ESRRG: variants seen among roughly 807,000 people sequenced by gnomAD.
The protein encoded by ESRRG is estrogen-related receptor gamma.
A neutral mutation model predicts 44.0 loss-of-function variants in ESRRG; 13 were observed. The ratio of observed to expected loss-of-function variants is 0.30; its 90% confidence interval spans 0.19 to 0.47. ESRRG has a LOEUF of 0.47. ESRRG is among the 20% of genes least tolerant of loss of function. The pLI is 1.00. For missense variants in ESRRG, 395 were observed against 580.6 expected, an observed-to-expected ratio of 0.68 and a Z score of 3.29; for synonymous variants, 215 against 214.6, an observed-to-expected ratio of 1.00 and a Z score of -0.02.
chr1:217,021,049 T>TACACACACACACACACAC (rs10655764), intron 1 of ESRRG, among the ~76,000 whole-genome samples: 5 of 145,334 alleles, frequency 3.4e-5, no homozygotes, highest in African/African-American at 1.0e-4. Context: ...CTGCCATGCA[T>TACACACACACACACACAC]ACACACACAC....
intron 2 of ESRRG, among the ~76,000 whole-genome samples, chr1:216,911,153 T>C (rs896580867): frequency 6.6e-6 from 1 of 152,214 alleles, no homozygotes; most frequent in African/African-American, 2.4e-5. Context: ...AAACTTATTT[T>C]CATACAAAAA....
chr1:216,723,199 G>GCCC, intron 1 of ESRRG, 45 bp downstream of exon 1: 3 of 659,804 alleles, frequency 4.5e-6, no homozygotes, highest in Non-Finnish European at 7.6e-6. Flanking sequence ...CCCCACCCCC[G>GCCC]CACCCCCACG....
At chr1:216,656,615 AC>A (rs1313368595) in intron 2 of ESRRG, among the ~76,000 whole-genome samples, 1 of 152,138 alleles carries the variant, frequency 6.6e-6, no homozygotes, top group African/African-American at 2.4e-5. Context: ...CACTTAATGG[AC>A]TTTTACAGTT....
intron 1 of ESRRG, among the ~76,000 whole-genome samples, chr1:216,996,670 A>G (rs1160137371): frequency 6.6e-6 from 1 of 152,160 alleles, no homozygotes; most frequent in Non-Finnish European, 1.5e-5. Flanking sequence ...TTATACTCAA[A>G]AAGTGCTGAG....
intron 1 of ESRRG, among the ~76,000 whole-genome samples, chr1:217,118,569 A>G (rs1321953776): frequency 1.3e-5 from 2 of 152,226 alleles, no homozygotes; most frequent in African/African-American, 2.4e-5. Context: ...AAGGGATTAT[A>G]CAATCTTACC....
intron 2 of ESRRG, among the ~76,000 whole-genome samples, chr1:216,728,769 T>C (rs1432409415): frequency 1.3e-5 from 2 of 151,978 alleles, no homozygotes; most frequent in East Asian, 1.9e-4. Context: ...GTGTTAATCC[T>C]TTTGTCCGAA....
chr1:216,721,025 G>A (rs1422587165), intron 1 of ESRRG, among the ~76,000 whole-genome samples: 1 of 152,192 alleles, frequency 6.6e-6, no homozygotes, highest in East Asian at 1.9e-4. Flanking sequence ...AGAATGATTA[G>A]ACTGACACAT....
intron 3 of ESRRG, among the ~76,000 whole-genome samples, chr1:216,618,897 C>G (rs764068180): frequency 1.3e-5 from 2 of 152,234 alleles, no homozygotes; most frequent in Non-Finnish European, 2.9e-5. Flanking sequence ...CTACTGAGAA[C>G]AGCCCATGCC....
intron 2 of ESRRG, among the ~76,000 whole-genome samples, chr1:216,651,373 T>A (rs1056879572): frequency 6.6e-6 from 1 of 152,172 alleles, no homozygotes; most frequent in African/African-American, 2.4e-5. Flanking sequence ...GTAAGAGTCT[T>A]CCAGAGTCTT....
At chr1:216,860,100 C>G (rs532437475) in intron 2 of ESRRG, among the ~76,000 whole-genome samples, 1 of 152,054 alleles carries the variant, frequency 6.6e-6, no homozygotes, top group African/African-American at 2.4e-5. Flanking sequence ...TCCGTCTCCA[C>G]TAAAAATATA....
chr1:216,803,898 T>A (rs1400080849), intron 2 of ESRRG, among the ~76,000 whole-genome samples: 1 of 152,120 alleles, frequency 6.6e-6, no homozygotes, highest in Non-Finnish European at 1.5e-5. Flanking sequence ...GAGCTTTTGT[T>A]GAGTAGATAA....
Position 216,513,488 on chromosome 1 carries a change from T to C in ESRRG, c.1132+5664A>G, listed in dbSNP as rs928161920. ...TCCATGTCAGAGCTCTCCATTAAGATACTGTTAGTTTTTTTAGAAGGCCTG... is the reference window on the plus strand; with the variant it reads ...TCCATGTCAGAGCTCTCCATTAAGACACTGTTAGTTTTTTTAGAAGGCCTG... On this transcript the variant is annotated intron_variant, in intron 6 of 6. Transcript: ENST00000408911. 6.6e-5 allele frequency among the ~76,000 whole-genome samples: 10 copies of C among 152,208 alleles called. No homozygotes were observed. In the East Asian group the frequency reaches 1.7e-3, roughly 26 times the overall value.
intron 2 of ESRRG, among the ~76,000 whole-genome samples, chr1:216,786,072 G>A (rs1364732337): frequency 6.6e-6 from 1 of 152,076 alleles, no homozygotes; most frequent in Non-Finnish European, 1.5e-5. Flanking sequence ...CCAGGGAAGT[G>A]CAAAATGTCT....
intron 3 of ESRRG, among the ~76,000 whole-genome samples, chr1:216,621,859 T>C (rs2062292206): frequency 6.6e-6 from 1 of 152,190 alleles, no homozygotes; most frequent in African/African-American, 2.4e-5. Flanking sequence ...CAAGTCCATC[T>C]TTCCCTTTCT....
intron 1 of ESRRG, among the ~76,000 whole-genome samples, chr1:217,065,531 C>T (rs992036694): frequency 2.0e-5 from 3 of 152,206 alleles, no homozygotes; most frequent in African/African-American, 7.2e-5. Context: ...AGAGCCTCAT[C>T]TCTCTTCTGA....
chr1:217,041,732 A>C (rs1171439890), intron 1 of ESRRG, among the ~76,000 whole-genome samples: 1 of 152,222 alleles, frequency 6.6e-6, no homozygotes, highest in Non-Finnish European at 1.5e-5. Context: ...TGGCAGATTC[A>C]AGTGTCACAG....
At chr1:216,903,261 A>G (rs932467654) in intron 2 of ESRRG, among the ~76,000 whole-genome samples, 1 of 152,156 alleles carries the variant, frequency 6.6e-6, no homozygotes, top group Non-Finnish European at 1.5e-5. Context: ...TACAGGAGAC[A>G]TTACCCAGCA....
chr1:216,817,591 C>T (rs138032893), intron 2 of ESRRG, among the ~76,000 whole-genome samples: 8 of 152,098 alleles, frequency 5.3e-5, no homozygotes, highest in African/African-American at 9.6e-5. Context: ...CCTATTGGGC[C>T]GAGGGATTAC....
chr1:216,733,990 A>T lies in ESRRG; in HGVS notation c.-13-56499T>A, dbSNP rs1045706151. ...AGAGCAACAGAGCAAGACTCTGTAA[A>T]AAAAAAAAAAAAAAAAAACTCACCT... On this transcript the variant is annotated intron_variant, in intron 2 of 7. Coordinates refer to the ESRRG transcript ENST00000359162. 1.0e-3 allele frequency among the ~76,000 whole-genome samples: 150 copies of T among 149,950 alleles called. 1 individual carries two copies. Among genetic ancestry groups the T allele is most frequent in the African/African-American group, 1.6e-3 (67 of 40,860 alleles).
Sources: allele counts gnomAD v4.1 joint callset (sites outside exome capture counted in the v4.1 genomes callset), GRCh38; gene constraint gnomAD v4.1.1; transcripts MANE v1.5; gene names NCBI Gene and HGNC (gene_info 2026-07-23, HGNC 2026-07-21).